Variants in RAB28 observed in about 807,000 individuals in gnomAD.
RAB28 encodes the protein ras-related protein Rab-28.
A neutral mutation model predicts 31.7 loss-of-function variants in RAB28; 24 were observed. The observed-to-expected ratio is 0.76, with a 90% confidence interval of 0.55 to 1.06. The LOEUF (loss-of-function observed/expected upper bound fraction) is 1.06. Among genes scored for constraint, RAB28 ranks in the 50% least tolerant of loss-of-function variants. The probability of loss-of-function intolerance (pLI) is 0.00; values close to 1 mark genes in which losing one functional copy is unlikely to be tolerated. For synonymous variants in RAB28, 100 were observed against 90.4 expected, an observed-to-expected ratio of 1.11 and a Z score of -0.60; for missense variants, 254 against 258.5, an observed-to-expected ratio of 0.98 and a Z score of 0.12.
intron 4 of RAB28, among the ~76,000 whole-genome samples, chr4:13,438,525 T>TA (rs1714252297): frequency 2.0e-5 from 3 of 152,204 alleles, no homozygotes; most frequent in Non-Finnish European, 2.9e-5. Flanking sequence ...AATCATGAAA[T>TA]ACATGGGTGG....
chr4:13,404,314 G>C (rs2108903083), intron 4 of RAB28, among the ~76,000 whole-genome samples: 1 of 151,656 alleles, frequency 6.6e-6, no homozygotes, highest in South Asian at 2.1e-4. Context: ...GGAGGCAGAG[G>C]TTGCAGTGAG....
chr4:13,481,056 T>C (rs1292880833), intron 1 of RAB28, among the ~76,000 whole-genome samples: 4 of 152,008 alleles, frequency 2.6e-5, no homozygotes, highest in Admixed American at 6.5e-5. Flanking sequence ...TGAAGGCATG[T>C]GTAACATTCA....
chr4:13,416,725 A>G (rs1182048456), intron 4 of RAB28, among the ~76,000 whole-genome samples: 1 of 152,238 alleles, frequency 6.6e-6, no homozygotes, highest in Non-Finnish European at 1.5e-5. Flanking sequence ...ATATAAGTAT[A>G]TGATCTGTCA....
At chr4:13,452,358 A>G (rs561250468) in intron 4 of RAB28, among the ~76,000 whole-genome samples, 4 of 151,512 alleles carry the variant, frequency 2.6e-5, no homozygotes, top group Non-Finnish European at 5.9e-5. Flanking sequence ...CTTGAGATTC[A>G]TTGCAGTTTA....
chr4:13,460,971 A>G, intron 3 of RAB28, 143 bp from the exon 4 acceptor site: 1 of 749,742 alleles, frequency 1.3e-6, no homozygotes, highest in Non-Finnish European at 2.1e-6. Flanking sequence ...TTCCATTTAA[A>G]TTGCTTACTA....
intron 4 of RAB28, among the ~76,000 whole-genome samples, chr4:13,428,032 A>G (rs1033349566): frequency 1.6e-4 from 25 of 152,156 alleles, no homozygotes; most frequent in African/African-American, 5.8e-4. Flanking sequence ...TTGAGCAAGC[A>G]GGGGGTACAT....
intron 4 of RAB28, among the ~76,000 whole-genome samples, chr4:13,450,544 G>A (rs1246917019): frequency 2.6e-5 from 4 of 151,786 alleles, no homozygotes; most frequent in Non-Finnish European, 5.9e-5. Context: ...GCATGAAAAG[G>A]CTTTTATTCA....
chr4:13,461,156 T>C (rs767222948), intron 3 of RAB28, among the ~76,000 whole-genome samples: 1 of 152,212 alleles, frequency 6.6e-6, no homozygotes, highest in Non-Finnish European at 1.5e-5. Flanking sequence ...TAGAAAAGGC[T>C]ACAACATCTA....
At chr4:13,415,402 G>C (rs1481441147) in intron 4 of RAB28, among the ~76,000 whole-genome samples, 1 of 152,160 alleles carries the variant, frequency 6.6e-6, no homozygotes, top group Admixed American at 6.5e-5. Context: ...TGTGGAGGGA[G>C]AGGCGCAGGC....
intron 4 of RAB28, among the ~76,000 whole-genome samples, chr4:13,386,497 T>A (rs1208394444): frequency 6.6e-6 from 1 of 151,406 alleles, no homozygotes; most frequent in East Asian, 1.9e-4. Flanking sequence ...CCAACTAACA[T>A]GAAAAAAAGC....
At chr4:13,426,485 T>A (rs900711045) in intron 4 of RAB28, among the ~76,000 whole-genome samples, 24 of 152,162 alleles carry the variant, frequency 1.6e-4, no homozygotes, top group African/African-American at 5.8e-4. Flanking sequence ...CCAAAATATT[T>A]ACAAAGTACT....
At chr4:13,423,965 A>G (rs1441222261) in intron 4 of RAB28, among the ~76,000 whole-genome samples, 2 of 152,250 alleles carry the variant, frequency 1.3e-5, no homozygotes, top group Non-Finnish European at 2.9e-5. Context: ...GGTTAAAAAA[A>G]AAACTATACC....
chr4:13,378,067 A>G (rs1378911765), intron 5 of RAB28, among the ~76,000 whole-genome samples: 2 of 152,208 alleles, frequency 1.3e-5, no homozygotes, highest in Non-Finnish European at 2.9e-5. Flanking sequence ...TGGATATAAG[A>G]GTCTACAGTT....
intron 4 of RAB28, among the ~76,000 whole-genome samples, chr4:13,448,849 G>A (rs1714829475): frequency 6.6e-6 from 1 of 151,932 alleles, no homozygotes; most frequent in African/African-American, 2.4e-5. Context: ...GTATGTTCCA[G>A]TAAGTAAATG....
At chr4:13,425,120 C>T (rs1713402258) in intron 4 of RAB28, among the ~76,000 whole-genome samples, 1 of 152,154 alleles carries the variant, frequency 6.6e-6, no homozygotes, top group South Asian at 2.1e-4. Flanking sequence ...CTATCAGCAG[C>T]ATTTGACATA....
chr4:13,382,855 C>T (rs13435316), intron 4 of RAB28, among the ~76,000 whole-genome samples: 2 of 151,764 alleles, frequency 1.3e-5, no homozygotes, highest in African/African-American at 2.4e-5. Context: ...CCTGCCACCA[C>T]GCCCGGCTAA....
intron 6 of RAB28, chr4:13,371,120 A>G (rs1262534632): frequency 4.8e-5 from 47 of 985,196 alleles, no homozygotes; most frequent in Non-Finnish European, 5.4e-5. Context: ...CCTATAAACA[A>G]TCGAGAGTAA....
intron 4 of RAB28, among the ~76,000 whole-genome samples, chr4:13,400,482 A>C (rs1468705927): frequency 6.6e-6 from 1 of 152,112 alleles, no homozygotes; most frequent in Non-Finnish European, 1.5e-5. Flanking sequence ...TCTTTCATTT[A>C]GGTCTTGTTT....
intron 4 of RAB28, among the ~76,000 whole-genome samples, chr4:13,415,413 G>A (rs958621034): frequency 4.6e-5 from 7 of 152,166 alleles, no homozygotes; most frequent in African/African-American, 9.7e-5. Context: ...AGGCGCAGGC[G>A]GGAACCGGGG....
Sources: gnomAD v4.1 joint callset for allele counts (sites outside exome capture counted in the v4.1 genomes callset) on GRCh38, gnomAD v4.1.1 for gene constraint, MANE v1.5 for transcripts, NCBI Gene and HGNC (gene_info 2026-07-23, HGNC 2026-07-21) for gene names.